The following FMN2 variants were observed in gnomAD, a reference collection of about 807,000 sequenced individuals.
The protein encoded by FMN2 is formin-2.
A neutral mutation model predicts 142.3 loss-of-function variants in FMN2; 51 were observed. The ratio of observed to expected loss-of-function variants is 0.36; its 90% CI spans 0.29 to 0.45. The LOEUF (loss-of-function observed/expected upper bound fraction) is 0.45. FMN2 is among the 20% of genes least tolerant of loss of function. The probability of loss-of-function intolerance (pLI) is 1.00; values close to 1 mark genes in which losing one functional copy is unlikely to be tolerated. For missense variants in FMN2, 1,936 were observed against 2,122.8 expected (o/e 0.91, Z 1.73); for synonymous variants, 882 against 869.8 (o/e 1.01, Z -0.25).
intron 7 of FMN2, among the ~76,000 whole-genome samples, chr1:240,284,739 C>T (rs939880071): frequency 4.6e-5 from 7 of 151,942 alleles, no homozygotes; most frequent in South Asian, 4.2e-4. Context: ...TTTTAAGGAC[C>T]TTTTCTGGGT....
intron 2 of FMN2, among the ~76,000 whole-genome samples, chr1:240,167,652 A>T (rs962359063): frequency 6.6e-6 from 1 of 152,226 alleles, no homozygotes; most frequent in Non-Finnish European, 1.5e-5. Context: ...TGGCTATGTT[A>T]TAGTGCTGTG....
chr1:240,381,335 A>G (rs1021534089), intron 14 of FMN2, among the ~76,000 whole-genome samples: 2 of 152,218 alleles, frequency 1.3e-5, no homozygotes, highest in African/African-American at 4.8e-5. Flanking sequence ...ATCACCATCA[A>G]GTGGGTTCTA....
intron 1 of FMN2, among the ~76,000 whole-genome samples, chr1:240,102,168 T>C (rs1009287148): frequency 6.6e-6 from 1 of 152,196 alleles, no homozygotes; most frequent in African/African-American, 2.4e-5. Flanking sequence ...TGTGCATTGA[T>C]ATTAAAAATT....
chr1:240,378,352 T>C (rs1673116006), intron 14 of FMN2, among the ~76,000 whole-genome samples: 1 of 152,080 alleles, frequency 6.6e-6, no homozygotes, highest in Non-Finnish European at 1.5e-5. Context: ...GGTTTCACCA[T>C]GTTGGCCAGG....
intron 2 of FMN2, chr1:240,143,197 C>T: frequency 6.3e-7 from 1 of 1,590,950 alleles, no homozygotes; most frequent in South Asian, 1.1e-5. Flanking sequence ...GTACCACTGC[C>T]CACCATGCCC....
At chr1:240,160,813 T>C (rs1664244922) in intron 2 of FMN2, among the ~76,000 whole-genome samples, 1 of 152,128 alleles carries the variant, frequency 6.6e-6, no homozygotes, top group African/African-American at 2.4e-5. Flanking sequence ...TTATTTATGA[T>C]GATGTGATTG....
intron 6 of FMN2, among the ~76,000 whole-genome samples, chr1:240,247,459 GC>G (rs1356693289): frequency 6.7e-6 from 1 of 149,968 alleles, no homozygotes; most frequent in African/African-American, 2.5e-5. Context: ...CTGAGATCGT[GC>G]CATTGCACTC....
intron 2 of FMN2, among the ~76,000 whole-genome samples, chr1:240,176,164 C>T (rs890839860): frequency 2.6e-5 from 4 of 152,110 alleles, no homozygotes; most frequent in Non-Finnish European, 5.9e-5. Context: ...TGTATGTTTT[C>T]GTCTAAGAGT....
At chr1:240,414,940 A>G (rs963398856) in intron 15 of FMN2, among the ~76,000 whole-genome samples, 1 of 152,232 alleles carries the variant, frequency 6.6e-6, no homozygotes, top group African/African-American at 2.4e-5. Flanking sequence ...ATAACTTTAT[A>G]CATCTTTCTG....
intron 1 of FMN2, among the ~76,000 whole-genome samples, chr1:240,120,205 T>A (rs1300255334): frequency 6.6e-6 from 1 of 152,256 alleles, no homozygotes; most frequent in Non-Finnish European, 1.5e-5. Context: ...ACTGCATGAC[T>A]AGTATCCTGG....
At chr1:240,442,255 T>C (rs1399339908) in intron 16 of FMN2, among the ~76,000 whole-genome samples, 1 of 152,220 alleles carries the variant, frequency 6.6e-6, no homozygotes, top group African/African-American at 2.4e-5. Context: ...ATGGCTTATA[T>C]TCTCATAACC....
chr1:240,236,668 G>A (rs1387513976), intron 6 of FMN2, among the ~76,000 whole-genome samples: 1 of 152,092 alleles, frequency 6.6e-6, no homozygotes, highest in Non-Finnish European at 1.5e-5. Flanking sequence ...AGAGAAAGAG[G>A]AGGAAGTGCC....
chr1:240,254,598 G>A (rs1428840362), intron 6 of FMN2, among the ~76,000 whole-genome samples: 8 of 152,138 alleles, frequency 5.3e-5, no homozygotes, highest in Non-Finnish European at 8.8e-5. Context: ...CAGCGACTGT[G>A]TGGTGGCCCT....
At chr1:240,242,338 A>C (rs1572107144) in intron 6 of FMN2, among the ~76,000 whole-genome samples, 1 of 152,216 alleles carries the variant, frequency 6.6e-6, no homozygotes, top group East Asian at 1.9e-4. Context: ...ATCAAGAAAC[A>C]ATGGAGAAGT....
At chr1:240,159,559 G>A (rs1266858298) in intron 2 of FMN2, among the ~76,000 whole-genome samples, 1 of 152,060 alleles carries the variant, frequency 6.6e-6, no homozygotes, top group Non-Finnish European at 1.5e-5. Flanking sequence ...GAAGGCTAGT[G>A]AAATGAACTA....
chr1:240,329,165 A>G lies in FMN2; in HGVS notation c.4305A>G (p.Glu1435=). The G allele has an allele frequency of 6.2e-7, 1 of 1,614,108 alleles. No homozygotes were observed. ...KENAKSLDKP[E]QFLYELSLIP... ...ATGCCAAGTCTCTGGACAAACCTGAACAGTAAGCATGTCTTATAACCACGT... is the reference window on the plus strand; with the variant it reads ...ATGCCAAGTCTCTGGACAAACCTGAGCAGTAAGCATGTCTTATAACCACGT... The change falls in exon 9 of 18, where the codon GAA becomes GAG. Residue 1435 remains glutamate (E), a splice_region_variant and synonymous_variant. Transcript: ENST00000319653.
In FMN2 at chr1:240,261,230, T is replaced by G. The variant is rs116265900; in HGVS notation, c.4153+3198T>G. On this transcript the variant is annotated intron_variant, in intron 7 of 17. Transcript: ENST00000319653. ...TTTTTGCTTAGTCTTTCTTTGGCTA[T>G]GTGGCATTTTTATCGATAGGCAAAA... Among the ~76,000 whole-genome samples the G allele has an allele frequency of 5.2e-3, 788 of 152,240 alleles. 5 individuals are homozygous for G. Among genetic ancestry groups the G allele is most frequent in the Non-Finnish European group, 6.4e-3 (435 of 68,004 alleles).
Position 240,187,874 on chromosome 1 carries a change from T to C in FMN2, c.1931-333T>C, listed in dbSNP as rs140211197. Reference sequence around the variant, plus strand: ...CTTCTATCGTGATACAGACTTCAGCTAAGTGAATAATATAATCTGTGAAAG... The same window carrying C: ...CTTCTATCGTGATACAGACTTCAGCCAAGTGAATAATATAATCTGTGAAAG... On this transcript the variant is annotated intron_variant, in intron 3 of 17. Transcript: ENST00000319653. Among the ~76,000 whole-genome samples the C allele has an allele frequency of 1.8e-3, 270 of 152,300 alleles. 3 individuals are homozygous for C. Among genetic ancestry groups the C allele is most frequent in the African/African-American group, 6.1e-3 (253 of 41,572 alleles).
intron 15 of FMN2, among the ~76,000 whole-genome samples, chr1:240,431,738 CTTTA>C (rs1391278682): frequency 1.3e-5 from 2 of 150,946 alleles, no homozygotes; most frequent in Non-Finnish European, 1.5e-5. Context: ...ATTTATTTTT[CTTTA>C]TTCTATAAAT....
Sources: allele counts gnomAD v4.1 joint callset (sites outside exome capture counted in the v4.1 genomes callset), GRCh38; gene constraint gnomAD v4.1.1; transcripts MANE v1.5; gene names NCBI Gene and HGNC (gene_info 2026-07-23, HGNC 2026-07-21).